The following STYXL2 variants were observed in gnomAD, a reference collection of about 807,000 sequenced individuals.
STYXL2 encodes serine/threonine/tyrosine interacting like 2.
In STYXL2, 44 loss-of-function variants were observed where a neutral mutation model predicts 52.4. That is an observed-to-expected ratio of 0.84 (90% CI 0.66 to 1.08). The LOEUF (loss-of-function observed/expected upper bound fraction) is 1.08, where lower values mean the gene tolerates loss of function less well. STYXL2 is among the 50% of genes least tolerant of loss of function. The probability of loss-of-function intolerance (pLI) is 0.00; values close to 1 mark genes in which losing one functional copy is unlikely to be tolerated. For synonymous variants in STYXL2, 604 were observed against 586.9 expected, an observed-to-expected ratio of 1.03 and a Z score of -0.42; for missense variants, 1,604 against 1,471.7, an observed-to-expected ratio of 1.09 and a Z score of -1.47.
intron 3 of STYXL2, among the ~76,000 whole-genome samples, chr1:167,115,133 G>A (rs1463388411): frequency 1.3e-5 from 2 of 152,182 alleles, no homozygotes; most frequent in Non-Finnish European, 2.9e-5. Flanking sequence ...CTAGTTTGAA[G>A]CCAAAAGATG....
chr1:167,117,295 C>A, intron 3 of STYXL2, 33 bp from the exon 4 acceptor site: 1 of 1,553,834 alleles, frequency 6.4e-7, no homozygotes, highest in Non-Finnish European at 8.8e-7. Flanking sequence ...ATGTTCCTAA[C>A]TCTCTGATGA....
chr1:167,128,180 GA>G lies in STYXL2; in HGVS notation c.3050del (p.Glu1017GlyfsTer77). ...ATCTTCCTCCACCAGGGAGGGCAGAGAGATGCACAAGTTCTCCAGGTCCACG... is the reference window on the plus strand; with the variant it reads ...ATCTTCCTCCACCAGGGAGGGCAGAGGATGCACAAGTTCTCCAGGTCCACG... ...FSSSSTREGR[E>X]MHKFSRSTYN... On this transcript the variant is annotated frameshift_variant, in exon 6 of 6. Transcript: ENST00000361200. LOFTEE classifies it high-confidence loss of function. 6.2e-7 allele frequency: 1 copy of G among 1,614,242 alleles called. No individual in the cohort carries two copies. Among genetic ancestry groups the G allele is most frequent in the Middle Eastern group, 1.6e-4 (1 of 6,062 alleles).
intron 2 of STYXL2, among the ~76,000 whole-genome samples, chr1:167,097,063 G>A (rs185079952): frequency 6.6e-6 from 1 of 152,322 alleles, no homozygotes; most frequent in Admixed American, 6.5e-5. Context: ...AGGATGTGAG[G>A]AGTCCTCCTA....
At position 167,127,067 on chromosome 1, in the gene STYXL2, T is replaced by C. The variant is rs1195426110; in HGVS notation, c.1936T>C (p.Trp646Arg). Residue 646 changes from tryptophan (W) to arginine (R), a missense_variant, in exon 6 of 6, where the codon TGG becomes CGG. Trp to Arg is a moderately radical substitution (Grantham distance 101, BLOSUM62 -3). Transcript: ENST00000361200. ...TLEESQSMAS[W>R]EADSSTASGS... ...GGAGGAGAGCCAGTCTATGGCAAGC[T>C]GGGAGGCGGACAGCTCCACGGCCAG... The C allele has an allele frequency of 6.2e-7, 1 of 1,612,684 alleles. No homozygotes were observed. Among genetic ancestry groups the C allele is most frequent in the Non-Finnish European group, 8.5e-7 (1 of 1,179,130 alleles).
chr1:167,101,861 G>A (rs958459087), intron 2 of STYXL2, among the ~76,000 whole-genome samples: 2 of 151,732 alleles, frequency 1.3e-5, no homozygotes, highest in African/African-American at 4.8e-5. Flanking sequence ...TTCATAGCAG[G>A]TTTATTTGTA....
At chr1:167,122,521 CTGAAGAAAGGGGGAATTA>C (rs1438998425) in intron 5 of STYXL2, among the ~76,000 whole-genome samples, 1 of 151,952 alleles carries the variant, frequency 6.6e-6, no homozygotes, top group Admixed American at 6.6e-5. Flanking sequence ...GGGATACCTT[CTGAAGAAAGGGGGAATTA>C]TGAATTGGGA....
At chr1:167,110,795 G>A (rs1667601395) in intron 2 of STYXL2, among the ~76,000 whole-genome samples, 1 of 152,132 alleles carries the variant, frequency 6.6e-6, no homozygotes, top group African/African-American at 2.4e-5. Flanking sequence ...AGACTGACTG[G>A]CCCTTACCAC....
chr1:167,096,304 A>G (rs188018264), intron 2 of STYXL2, among the ~76,000 whole-genome samples: 369 of 151,986 alleles, frequency 2.4e-3, no homozygotes, highest in African/African-American at 8.3e-3. Context: ...ACTTAGGAAA[A>G]CTCTCAGGAT....
chr1:167,128,812 C>T lies in STYXL2; in HGVS notation c.*204C>T, dbSNP rs934444878. On this transcript the variant is annotated 3_prime_UTR_variant, in exon 6 of 6. Coordinates refer to ENST00000361200, the MANE Select transcript of STYXL2 (RefSeq NM_001080426.3). ...AGGGGGAGAACCATCAATACGAATA[C>T]GAGGTCCGAATGCGGACCAACTGAT... 7.6e-6 allele frequency: 6 copies of T among 785,660 alleles called. No homozygotes were observed. Among genetic ancestry groups the T allele is most frequent in the Admixed American group, 6.4e-5 (2 of 31,162 alleles). The allele number at this position is 785,660 out of a possible 1,614,324, so 48.7% of individuals were successfully genotyped here.
chr1:167,116,309 C>G (rs1667720636), intron 3 of STYXL2, among the ~76,000 whole-genome samples: 1 of 152,108 alleles, frequency 6.6e-6, no homozygotes, highest in Non-Finnish European at 1.5e-5. Flanking sequence ...TTGAGTTCAT[C>G]TGGAGTTTGA....
rs71587032 is a variant in STYXL2, at chr1:167,120,829, CATATATATAT to C, written c.655+1411_655+1420del. On this transcript the variant is annotated intron_variant, in intron 5 of 5. Transcript: ENST00000361200. ...TATATGTATGTGTGCGTGTAAATTA[CATATATATAT>C]ATATATATATATATATATATATATA... is the stretch of plus-strand genomic sequence containing the variant. Among the ~76,000 whole-genome samples, 915 of 114,724 alleles carry C rather than the reference CATATATATAT, an allele frequency of 8.0e-3. 12 individuals are homozygous for C. Among genetic ancestry groups the C allele is most frequent in the South Asian group, 0.011 (35 of 3,120 alleles). 75.3% of individuals were successfully genotyped at this position (114,724 alleles called of 152,430 possible).
rs1192183199 is a variant in STYXL2, at chr1:167,127,021, G to T, written c.1890G>T (p.Leu630=). The T allele has an allele frequency of 6.2e-7, 1 of 1,606,940 alleles. No individual in the cohort carries two copies. Among genetic ancestry groups the T allele is most frequent in the South Asian group, 1.1e-5 (1 of 90,090 alleles). ...AKKRQRRLEL[L]ERSRQTLEES... is the part of the protein sequence containing the mutation. The stretch of plus-strand genomic sequence containing the variant: ...AGAGACAACGGAGGCTGGAGCTGCT[G>T]GAGAGAAGCCGGCAGACGCTGGAGG... Residue 630 remains leucine (L), a synonymous_variant, in exon 6 of 6, where the codon CTG becomes CTT. Transcript: ENST00000361200.
chr1:167,127,566 G>T lies in STYXL2; in HGVS notation c.2435G>T (p.Cys812Phe), dbSNP rs1668002741. Residue 812 changes from cysteine to phenylalanine, a missense_variant, in exon 6 of 6, where the codon TGC becomes TTC. Transcript: ENST00000361200. Reference protein sequence around the residue: ...NTTLSSPAESCRSKVRGTSKP... With the variant: ...NTTLSSPAESFRSKVRGTSKP... ...ACACTGAGCTCACCCGCGGAAAGTT[G>T]CAGAAGCAAAGTGAGGGGGACCAGC... The T allele has an allele frequency of 3.1e-6, 5 of 1,614,000 alleles. No individual in the cohort carries two copies. Among genetic ancestry groups the T allele is most frequent in the Non-Finnish European group, 4.2e-6 (5 of 1,180,010 alleles).
intron 5 of STYXL2, among the ~76,000 whole-genome samples, chr1:167,121,866 CTTA>C (rs1359297007): frequency 1.3e-5 from 2 of 152,204 alleles, no homozygotes; most frequent in East Asian, 3.9e-4. Flanking sequence ...GCGAAAGGCC[CTTA>C]TTGTTGCTGT....
chr1:167,127,066 C>T lies in STYXL2; in HGVS notation c.1935C>T (p.Ser645=). The change falls in exon 6 of 6, where the codon AGC becomes AGT. Residue 645 remains serine, a synonymous_variant. Coordinates refer to ENST00000361200, the MANE Select transcript of STYXL2 (RefSeq NM_001080426.3). ...QTLEESQSMA[S]WEADSSTASG... ...TGGAGGAGAGCCAGTCTATGGCAAG[C>T]TGGGAGGCGGACAGCTCCACGGCCA... 1.9e-6 allele frequency: 3 copies of T among 1,612,394 alleles called. No homozygotes were observed. Among genetic ancestry groups the T allele is most frequent in the African/African-American group, 1.3e-5 (1 of 75,018 alleles).
intron 2 of STYXL2, among the ~76,000 whole-genome samples, chr1:167,103,817 T>C (rs1365805901): frequency 1.3e-5 from 2 of 152,070 alleles, no homozygotes; most frequent in Non-Finnish European, 2.9e-5. Context: ...CCTAAACAAA[T>C]ACAGCCTAAG....
intron 1 of STYXL2, chr1:167,094,508 G>A (rs1667239733): frequency 3.3e-6 from 1 of 299,806 alleles, no homozygotes; most frequent in Non-Finnish European, 6.4e-6. Flanking sequence ...GTCCAGGGAA[G>A]TCATTGTTCT....
chr1:167,126,617 C>T lies in STYXL2; in HGVS notation c.1486C>T (p.His496Tyr), dbSNP rs1419305049. ...EIEKEASRRY[H>Y]AKSKREEAAD... is the part of the protein sequence containing the mutation. ...TGAGAAGGAGGCTTCCCGGAGGTAC[C>T]ACGCCAAGAGCAAGAGAGAGGAGGC... The change falls in exon 6 of 6, where the codon CAC becomes TAC. Residue 496 changes from histidine (H) to tyrosine (Y), a missense_variant. Transcript: ENST00000361200. 3 of 1,614,024 alleles carry T rather than the reference C, an allele frequency of 1.9e-6. No homozygotes were observed. The highest frequency in any genetic ancestry group is 2.5e-6 in the Non-Finnish European group (3 of 1,180,018).
intron 1 of STYXL2, 108 bp from the exon 2 acceptor site, chr1:167,094,726 C>G (rs980401027): frequency 8.2e-6 from 6 of 731,684 alleles, no homozygotes. Context: ...CCCACCGGGA[C>G]CTTCCTAGTC....
Sources: gnomAD v4.1 joint callset for allele counts (sites outside exome capture counted in the v4.1 genomes callset) on GRCh38, gnomAD v4.1.1 for gene constraint, MANE v1.5 for transcripts, NCBI Gene and HGNC (gene_info 2026-07-23, HGNC 2026-07-21) for gene names.